C1orf141: variants seen among roughly 807,000 people sequenced by gnomAD.
The protein encoded by C1orf141 is uncharacterized protein C1orf141.
A neutral mutation model predicts 23.2 loss-of-function variants in C1orf141; 19 were observed. The observed-to-expected ratio is 0.82, with a 90% confidence interval of 0.57 to 1.20. The LOEUF (loss-of-function observed/expected upper bound fraction) is 1.20, where lower values mean the gene tolerates loss of function less well. C1orf141 is among the 50% of genes most tolerant of loss of function. C1orf141 has a pLI of 0.00. For synonymous variants in C1orf141, 153 were observed against 154.6 expected (o/e 0.99, Z 0.08); for missense variants, 469 against 455.1 (o/e 1.03, Z -0.28).
chr1:67,102,086 T>C (rs1473568685), intron 5 of C1orf141, among the ~76,000 whole-genome samples: 1 of 152,180 alleles, frequency 6.6e-6, no homozygotes, highest in Non-Finnish European at 1.5e-5. Flanking sequence ...ATCTAAGCTG[T>C]GTTTTTCAAA....
chr1:67,111,489 A>T (rs1352048960), intron 5 of C1orf141: 2 of 485,584 alleles, frequency 4.1e-6, no homozygotes, highest in African/African-American at 4.0e-5. Flanking sequence ...ATTCACTTGA[A>T]TTTTGGATTT....
At position 67,095,243 on chromosome 1, in the gene C1orf141, A is replaced by T; in HGVS notation, c.595T>A (p.Ser199Thr). The change falls in exon 7 of 8, where the codon TCT becomes ACT. Residue 199 changes from serine (S) to threonine (T), a missense_variant. By Grantham distance (58) the Ser-to-Thr change is moderately conservative. Around this residue, in one of 3 missense-constraint regions of C1orf141, gnomAD observed 370 missense variants for 348.1 expected, o/e 1.06. Transcript: ENST00000684719. ...VNVSPTKTVT[S>T]HMEQKDTNPI... ...GATGATATGCTTATTACCATGTGAG[A>T]AGTTACTGTCTTTGTTGGACTAACG... The T allele has an allele frequency of 5.8e-6, 9 of 1,558,428 alleles. No homozygotes were observed. Among genetic ancestry groups the T allele is most frequent in the Non-Finnish European group, 7.0e-6 (8 of 1,143,484 alleles).
chr1:67,115,231 G>T, intron 5 of C1orf141, 121 bp downstream of exon 5: 1 of 551,766 alleles, frequency 1.8e-6, no homozygotes, highest in Non-Finnish European at 3.2e-6. Context: ...ATAGTTCATG[G>T]AAATGCTTTT....
At position 67,093,267 on chromosome 1, in the gene C1orf141, A is replaced by C. The variant is rs1253395507; in HGVS notation, c.941T>G (p.Leu314Arg). The C allele has an allele frequency of 8.7e-6, 14 of 1,613,816 alleles. No individual in the cohort carries two copies. Among genetic ancestry groups the C allele is most frequent in the Non-Finnish European group, 1.2e-5 (14 of 1,179,790 alleles). Residue 314 changes from leucine (L) to arginine (R), a missense_variant, in exon 8 of 8, where the codon CTC becomes CGC. By Grantham distance (102) the Leu-to-Arg change is moderately radical. Coordinates refer to ENST00000684719, the MANE Select transcript of C1orf141 (RefSeq NM_001276351.2). ...QTLENRSWNT[L>R]YNFSQNFSSL... Reference sequence around the variant, plus strand: ...AGAAAAATTCTGTGAGAAATTATAGAGTGTATTCCAAGATCTGTTTTCTAG... The same window carrying C: ...AGAAAAATTCTGTGAGAAATTATAGCGTGTATTCCAAGATCTGTTTTCTAG...
intron 4 of C1orf141, among the ~76,000 whole-genome samples, chr1:67,115,815 A>G (rs1646182832): frequency 6.6e-6 from 1 of 152,252 alleles, no homozygotes; most frequent in Non-Finnish European, 1.5e-5. Context: ...GTGGTGGGAC[A>G]TAGAGTTAGG....
At chr1:67,105,806 A>C (rs185746679) in intron 5 of C1orf141, among the ~76,000 whole-genome samples, 76 of 152,344 alleles carry the variant, frequency 5.0e-4, no homozygotes, top group African/African-American at 1.8e-3. Flanking sequence ...GCTTGAAGGC[A>C]GACTGAAGTT....
Position 67,096,143 on chromosome 1 carries a change from G to A in C1orf141, c.416+109C>T, listed in dbSNP as rs138110544. 5.7e-4 allele frequency: 361 copies of A among 635,484 alleles called. 1 individual carries two copies. In the East Asian group the frequency reaches 9.0e-3, roughly 16 times the overall value. 39.4% of individuals were successfully genotyped at this position (635,484 alleles called of 1,614,324 possible). ...TGGACCATTCATTGGATTGTGCTGTGGAACTAAATAATAAGGCAGAATAAA... is the reference window on the plus strand; with the variant it reads ...TGGACCATTCATTGGATTGTGCTGTAGAACTAAATAATAAGGCAGAATAAA... On this transcript the variant is annotated intron_variant, in intron 6 of 7. Coordinates refer to ENST00000684719, the MANE Select transcript of C1orf141 (RefSeq NM_001276351.2).
chr1:67,124,132 T>C (rs1307864214), intron 4 of C1orf141, among the ~76,000 whole-genome samples: 1 of 152,184 alleles, frequency 6.6e-6, no homozygotes, highest in Non-Finnish European at 1.5e-5. Flanking sequence ...CTTAGGTTTT[T>C]CATCTGTAAA....
intron 5 of C1orf141, among the ~76,000 whole-genome samples, chr1:67,105,529 G>A (rs1645905716): frequency 6.6e-6 from 1 of 151,922 alleles, no homozygotes; most frequent in African/African-American, 2.4e-5. Flanking sequence ...AGTAAAGACT[G>A]GGGAATTCTG....
intron 3 of C1orf141, 63 bp from the exon 4 acceptor site, chr1:67,125,972 CT>C (rs1288821705): frequency 1.5e-5 from 21 of 1,407,478 alleles, no homozygotes; most frequent in Non-Finnish European, 1.8e-5. Flanking sequence ...TGGGGAAAAT[CT>C]TAGGTGGAAA....
At position 67,131,933 on chromosome 1, in the gene C1orf141, C is replaced by T. The variant is rs895972701; in HGVS notation, c.-103-706G>A. ...CTGAGTAGCTGGGATTACAGGTGCCCGCCACCACACGCAGCTAATTTTTGT... is the reference window on the plus strand; with the variant it reads ...CTGAGTAGCTGGGATTACAGGTGCCTGCCACCACACGCAGCTAATTTTTGT... On this transcript the variant is annotated intron_variant, in intron 1 of 7. Transcript: ENST00000684719. Among the ~76,000 whole-genome samples the T allele has an allele frequency of 4.7e-5, 7 of 150,446 alleles. No homozygotes were observed. The South Asian group carries it at 1.1e-3, about 23-fold the overall frequency.
chr1:67,131,969 G>A (rs934082084), intron 1 of C1orf141, among the ~76,000 whole-genome samples: 2 of 151,606 alleles, frequency 1.3e-5, no homozygotes, highest in Admixed American at 6.6e-5. Context: ...ATTTTTGGTA[G>A]AGATGGGGTT....
At chr1:67,128,906 A>T (rs1646468789) in intron 2 of C1orf141, among the ~76,000 whole-genome samples, 1 of 152,154 alleles carries the variant, frequency 6.6e-6, no homozygotes, top group Non-Finnish European at 1.5e-5. Context: ...CCTATATTGT[A>T]TATTATTCCA....
At chr1:67,121,883 A>T (rs1008060171) in intron 4 of C1orf141, 30 of 152,166 alleles carry the variant, frequency 2.0e-4, no homozygotes, top group African/African-American at 7.0e-4. Flanking sequence ...ATTGCTGACC[A>T]TACCCCTCTC....
At chr1:67,097,625 A>G (rs1645711807) in intron 5 of C1orf141, among the ~76,000 whole-genome samples, 1 of 152,200 alleles carries the variant, frequency 6.6e-6, no homozygotes, top group South Asian at 2.1e-4. Context: ...GATCCTTAGG[A>G]GGGTTTTCAA....
rs1216099925 is a variant in C1orf141, at chr1:67,095,245, G to A, written c.593C>T (p.Thr198Ile). ...IVNVSPTKTV[T>I]SHMEQKDTNP... ...TGATATGCTTATTACCATGTGAGAA[G>A]TTACTGTCTTTGTTGGACTAACGTT... is the stretch of plus-strand genomic sequence containing the variant. Residue 198 changes from threonine (T) to isoleucine (I), a missense_variant, in exon 7 of 8, where the codon ACT becomes ATT. This residue lies in a region of C1orf141 where 370 missense variants were observed against 348.1 expected (regional missense o/e 1.06). Transcript: ENST00000684719. The A allele has an allele frequency of 6.4e-7, 1 of 1,565,660 alleles. No individual in the cohort carries two copies. The highest frequency in any genetic ancestry group is 2.2e-5 in the East Asian group (1 of 44,648).
chr1:67,138,537 G>GT (rs1324078939), upstream of C1orf141, among the ~76,000 whole-genome samples: 3 of 151,782 alleles, frequency 2.0e-5, no homozygotes, highest in East Asian at 1.9e-4. Flanking sequence ...TTGTGTGTGT[G>GT]TTTTTTTTCT....
intron 4 of C1orf141, among the ~76,000 whole-genome samples, chr1:67,118,478 C>T (rs1266944547): frequency 6.6e-5 from 10 of 152,168 alleles, no homozygotes; most frequent in Non-Finnish European, 1.2e-4. Context: ...TTAGACACCA[C>T]ACTTGCTGAT....
chr1:67,107,377 A>C lies in C1orf141; in HGVS notation c.346+7975T>G, dbSNP rs539690037. Among the ~76,000 whole-genome samples, 9 of 152,340 alleles carry C rather than the reference A, an allele frequency of 5.9e-5. No individual in the cohort carries two copies. In the East Asian group the frequency reaches 1.7e-3, roughly 29 times the overall value. ...CAAAAAAGAATAAAATGATAGACTT[A>C]ATTTCACCCATATCACCAATTACAT... On this transcript the variant is annotated intron_variant, in intron 5 of 7. Coordinates refer to ENST00000684719, the MANE Select transcript of C1orf141 (RefSeq NM_001276351.2).
Sources: gnomAD v4.1 joint callset for allele counts (sites outside exome capture counted in the v4.1 genomes callset) on GRCh38, gnomAD v4.1.1 for gene constraint, gnomAD v4.1.1 regional missense constraint, MANE v1.5 for transcripts, NCBI Gene and HGNC (gene_info 2026-07-23, HGNC 2026-07-21) for gene names.